The following CHD5 variants were observed in gnomAD, a reference collection of about 807,000 sequenced individuals.
CHD5 encodes the protein ATP-dependent chromatin remodeler CHD5.
A neutral mutation model predicts 230.3 loss-of-function variants in CHD5; 69 were observed. The ratio of observed to expected loss-of-function variants is 0.30; its 90% confidence interval spans 0.25 to 0.37. The LOEUF is 0.37. Among genes scored for constraint, CHD5 ranks in the 10% least tolerant of loss-of-function variants. The pLI is 1.00. For missense variants in CHD5, 1,827 were observed against 2,622.8 expected (o/e 0.70, Z 6.63); for synonymous variants, 1,064 against 1,065.9 (o/e 1.00, Z 0.03).
At position 6,154,438 on chromosome 1, in the gene CHD5, T is replaced by C. The variant is rs539647769; in HGVS notation, c.745+222A>G. Among the ~76,000 whole-genome samples the C allele has an allele frequency of 1.8e-4, 28 of 151,944 alleles. No homozygotes were observed. The highest frequency in any genetic ancestry group is 3.5e-4 in the Non-Finnish European group (24 of 67,974). On this transcript the variant is annotated intron_variant, in intron 5 of 41. Transcript: ENST00000262450. The surrounding 1 kb of genome is among the most constrained non-coding windows in gnomAD (Gnocchi z 7.0). ...CTCTGCCCACATCATCGCCTCTGCT[T>C]CTCCACCAACCCCAAAAGGGAGTCA...
Position 6,134,269 on chromosome 1 carries a change from C to A in CHD5, c.3013-10G>T, listed in dbSNP as rs371760165. The A allele has an allele frequency of 5.0e-6, 8 of 1,611,850 alleles. No homozygotes were observed. Among genetic ancestry groups the A allele is most frequent in the South Asian group, 3.3e-5 (3 of 91,084 alleles). ...GCAAGACAGGGGCCTCCTGCAGACA[C>A]AGCAGGAGGTGGGGCATTGGTGGGC... is the stretch of plus-strand genomic sequence containing the variant. On this transcript the variant is annotated splice_polypyrimidine_tract_variant and intron_variant, in intron 19 of 41. Coordinates refer to ENST00000262450, the MANE Select transcript of CHD5 (RefSeq NM_015557.3). The surrounding 1 kb of genome is among the most constrained non-coding windows in gnomAD (Gnocchi z 6.3).
chr1:6,139,229 T>G (rs988698366), intron 15 of CHD5, among the ~76,000 whole-genome samples: 1 of 137,274 alleles, frequency 7.3e-6, no homozygotes, highest in Non-Finnish European at 1.6e-5. Context: ...TGTTGTTGTT[T>G]TGTTGTTGTT....
At position 6,144,911 on chromosome 1, in the gene CHD5, A is replaced by G. The variant is rs1027789154; in HGVS notation, c.1803-756T>C. ...CCGATGTTTGTTTGTTTTCCCATAC[A>G]TAATTGATTGTTTTGCAGATTGGGG... On this transcript the variant is annotated intron_variant, in intron 11 of 41. Coordinates refer to ENST00000262450, the MANE Select transcript of CHD5 (RefSeq NM_015557.3). Among the ~76,000 whole-genome samples the G allele has an allele frequency of 2.6e-5, 4 of 152,242 alleles. 1 individual carries two copies. Among genetic ancestry groups the G allele is most frequent in the Admixed American group, 1.3e-4 (2 of 15,290 alleles).
intron 33 of CHD5, among the ~76,000 whole-genome samples, chr1:6,119,746 T>TGTACGTACATAC (rs1191368147): frequency 6.6e-6 from 1 of 150,622 alleles, no homozygotes; most frequent in African/African-American, 2.4e-5. Flanking sequence ...TAGGTACATA[T>TGTACGTACATAC]GTACGTACAT....
intron 20 of CHD5, among the ~76,000 whole-genome samples, chr1:6,133,411 G>A (rs948811739): frequency 2.6e-5 from 4 of 152,222 alleles, no homozygotes; most frequent in Admixed American, 6.5e-5. Flanking sequence ...GGCGGCGGAC[G>A]CTGCTTTCAG....
At chr1:6,137,208 A>G (rs1336793967) in intron 15 of CHD5, among the ~76,000 whole-genome samples, 1 of 152,170 alleles carries the variant, frequency 6.6e-6, no homozygotes, top group Non-Finnish European at 1.5e-5. Context: ...CCCAGGCTCA[A>G]GCAATCCTCC....
At chr1:6,173,205 C>T (rs1437120649) in intron 1 of CHD5, among the ~76,000 whole-genome samples, 10 of 151,532 alleles carry the variant, frequency 6.6e-5, no homozygotes, top group East Asian at 1.9e-4. Flanking sequence ...CCCAGGTTCA[C>T]GCCATTCTCC....
At position 6,142,496 on chromosome 1, in the gene CHD5, C is replaced by T. The variant is rs199560287; in HGVS notation, c.2153G>A (p.Gly718Asp). The T allele has an allele frequency of 7.1e-5, 114 of 1,614,090 alleles. No homozygotes were observed. The highest frequency in any genetic ancestry group is 9.0e-5 in the Non-Finnish European group (106 of 1,179,994). The stretch of plus-strand genomic sequence containing the variant: ...CTCATCGGCCAGGATGGTGTCAGTG[C>T]CCTGGGCCCAAGAGAAGCGCAGCCA... The part of the protein sequence containing the change: ...LNWLRFSWAQ[G>D]TDTILADEMG... Residue 718 changes from glycine to aspartate, a missense_variant, in exon 14 of 42, where the codon GGC becomes GAC. Physicochemically the swap from Gly to Asp is moderately conservative, Grantham distance 94. Around this residue, in one of 14 missense-constraint regions of CHD5, gnomAD observed 37 missense variants for 105.7 expected, o/e 0.35. Coordinates refer to ENST00000262450, the MANE Select transcript of CHD5 (RefSeq NM_015557.3). This position sits in a 1 kb window ranked among gnomAD's most constrained non-coding sequence, Gnocchi z 5.2.
Position 6,101,985 on chromosome 1 carries a change from T to C in CHD5, c.*3489A>G, listed in dbSNP as rs1409164755. On this transcript the variant is annotated 3_prime_UTR_variant, in exon 42 of 42. Transcript: ENST00000262450. ...CCGGGGCCACCCTGGCTGGGACTCC[T>C]GGCGCGCCTTGCACCCAGCCCAGGG... 4.7e-6 allele frequency: 2 copies of C among 421,422 alleles called. No individual in the cohort carries two copies. Among genetic ancestry groups the C allele is most frequent in the Non-Finnish European group, 9.6e-6 (2 of 207,616 alleles). 26.1% of individuals were successfully genotyped at this position (421,422 alleles called of 1,614,324 possible). A position where few individuals can be genotyped will look rare whatever the true frequency, so the allele number is the denominator to read the frequency against.
intron 3 of CHD5, among the ~76,000 whole-genome samples, chr1:6,158,321 G>C (rs565437527): frequency 6.6e-5 from 10 of 152,360 alleles, no homozygotes; most frequent in Admixed American, 5.9e-4. Flanking sequence ...CGTGCAGTAG[G>C]AGACTCCGGG....
rs780191237 is a variant in CHD5, at chr1:6,155,629, G to T, written c.476C>A (p.Thr159Asn). The change falls in exon 4 of 42, where the codon ACC becomes AAC. Residue 159 changes from threonine to asparagine, a missense_variant. By Grantham distance (65) the Thr-to-Asn change is moderately conservative. This residue lies in a region of CHD5 where 657 missense variants were observed against 816.4 expected (regional missense o/e 0.80). Transcript: ENST00000262450. This position sits in a 1 kb window ranked among gnomAD's most constrained non-coding sequence, Gnocchi z 4.0. The stretch of plus-strand genomic sequence containing the variant: ...GAACTGGCTGAAGGCCTTGTAGTTG[G>T]TCAGCGTGTGGTAATCCTCCTCCGA... ...LFSEEDYHTLTNYKAFSQFLR... is the reference protein window; with the variant it reads ...LFSEEDYHTLNNYKAFSQFLR... The T allele has an allele frequency of 1.2e-5, 20 of 1,614,114 alleles. No individual in the cohort carries two copies. The highest frequency in any genetic ancestry group is 1.7e-5 in the Non-Finnish European group (20 of 1,179,978).
At chr1:6,137,744 G>A (rs1666767168) in intron 15 of CHD5, among the ~76,000 whole-genome samples, 1 of 152,230 alleles carries the variant, frequency 6.6e-6, no homozygotes, top group Non-Finnish European at 1.5e-5. Context: ...CCCTGCACTT[G>A]GGGTTTAATG....
intron 2 of CHD5, among the ~76,000 whole-genome samples, chr1:6,160,746 G>C (rs1667164250): frequency 6.6e-6 from 1 of 152,266 alleles, no homozygotes; most frequent in African/African-American, 2.4e-5. Context: ...AGGTAATTTA[G>C]GCAGCTCTTA....
At position 6,125,366 on chromosome 1, in the gene CHD5, C is replaced by A; in HGVS notation, c.4261-133G>T. 8.3e-7 allele frequency: 1 copy of A among 1,207,854 alleles called. No individual in the cohort carries two copies. Among genetic ancestry groups the A allele is most frequent in the Non-Finnish European group, 1.2e-6 (1 of 868,904 alleles). 74.8% of individuals were successfully genotyped at this position (1,207,854 alleles called of 1,614,324 possible). On this transcript the variant is annotated intron_variant, in intron 28 of 41. Transcript: ENST00000262450. The surrounding 1 kb of genome is among the most constrained non-coding windows in gnomAD (Gnocchi z 6.7). The stretch of plus-strand genomic sequence containing the variant: ...GGCACAGAGAAGGCAGGGGCCTCCA[C>A]CTGGGGCAGGACCCTGACGGCGAAG...
Position 6,128,161 on chromosome 1 carries a change from G to A in CHD5, c.3788C>T (p.Ser1263Phe). The A allele has an allele frequency of 6.2e-7, 1 of 1,614,188 alleles. No individual in the cohort carries two copies. Among genetic ancestry groups the A allele is most frequent in the Non-Finnish European group, 8.5e-7 (1 of 1,180,024 alleles). Residue 1263 changes from serine (S) to phenylalanine (F), a missense_variant, in exon 25 of 42, where the codon TCC (serine) becomes TTC (phenylalanine). By Grantham distance (155) the Ser-to-Phe change is radical. Transcript: ENST00000262450. The surrounding 1 kb of genome is among the most constrained non-coding windows in gnomAD (Gnocchi z 7.8). ...SVIHYDDAAI[S>F]KLLDRNQDAT... ...GTCCTGGTTCCGGTCCAGCAGCTTG[G>A]AGATGGCCGCATCGTCATAGTGGAT...
chr1:6,107,601 G>GAAGGGAT (rs1666208320), intron 38 of CHD5, among the ~76,000 whole-genome samples: 1 of 140,686 alleles, frequency 7.1e-6, no homozygotes, highest in South Asian at 2.5e-4. Flanking sequence ...AAGGGATGAT[G>GAAGGGAT]GATAGATAAA....
At chr1:6,149,711 T>C (rs1206218622) in intron 7 of CHD5, among the ~76,000 whole-genome samples, 1 of 125,802 alleles carries the variant, frequency 7.9e-6, no homozygotes, top group African/African-American at 2.5e-5. Flanking sequence ...GATGGACAAA[T>C]GGATGGATGG....
Position 6,166,229 on chromosome 1 carries a change from G to A in CHD5, c.207+1921C>T, listed in dbSNP as rs527885985. ...CACAGTCACATGCACACACGTGTGTGCACGGAGGACCAGAAGGGCCTGGAT... is the reference window on the plus strand; with the variant it reads ...CACAGTCACATGCACACACGTGTGTACACGGAGGACCAGAAGGGCCTGGAT... On this transcript the variant is annotated intron_variant, in intron 2 of 41. Coordinates refer to ENST00000262450, the MANE Select transcript of CHD5 (RefSeq NM_015557.3). 1.3e-4 allele frequency among the ~76,000 whole-genome samples: 19 copies of A among 145,310 alleles called. No individual in the cohort carries two copies. In the South Asian group the frequency reaches 4.3e-3, roughly 33 times the overall value.
intron 35 of CHD5, 76 bp downstream of exon 35, chr1:6,112,064 G>A: frequency 6.5e-7 from 1 of 1,537,916 alleles, no homozygotes; most frequent in Non-Finnish European, 8.9e-7. Context: ...CTAGTATAAA[G>A]TTAACCACTG....
Sources: gnomAD v4.1 joint callset for allele counts (sites outside exome capture counted in the v4.1 genomes callset) on GRCh38, gnomAD v4.1.1 for gene constraint, gnomAD v4.1.1 regional missense constraint, Gnocchi (gnomAD v3.1) non-coding constraint, MANE v1.5 for transcripts, NCBI Gene and HGNC (gene_info 2026-07-23, HGNC 2026-07-21) for gene names.